RAD50: variants seen among roughly 807,000 people sequenced by gnomAD.
The protein encoded by RAD50 is DNA repair protein RAD50.
In RAD50, 132 loss-of-function variants were observed where a neutral mutation model predicts 168.8. The observed-to-expected ratio is 0.78, with a 90% CI of 0.68 to 0.90. RAD50 has a LOEUF of 0.90. RAD50 is among the 40% of genes least tolerant of loss of function. RAD50 has a pLI of 0.00. For missense variants in RAD50, 1,347 were observed against 1,534.4 expected, an observed-to-expected ratio of 0.88 and a Z score of 2.04; for synonymous variants, 525 against 497.4, an observed-to-expected ratio of 1.06 and a Z score of -0.74.
chr5:132,641,534 C>G lies in RAD50; in HGVS notation c.3753-644C>G, dbSNP rs182092024. Reference sequence around the variant, plus strand: ...AAGTAAGGGCGAGTGCTTTTGAAACCTCAAATGCATCCAGCTCCAGGAAGG... The same window carrying G: ...AAGTAAGGGCGAGTGCTTTTGAAACGTCAAATGCATCCAGCTCCAGGAAGG... On this transcript the variant is annotated intron_variant, in intron 24 of 24. Transcript: ENST00000378823. 3.5e-4 allele frequency among the ~76,000 whole-genome samples: 54 copies of G among 152,240 alleles called. No homozygotes were observed. The East Asian group carries it at 0.01, about 29-fold the overall frequency.
rs1243069832 is a variant in RAD50 at position 132,557,533 on chromosome 5, T to C, written c.129+80T>C. The C allele has an allele frequency of 5.7e-6, 9 of 1,584,182 alleles. No homozygotes were observed. The African/African-American group carries it at 8.1e-5, about 14-fold the overall frequency. On this transcript the variant is annotated intron_variant, in intron 1 of 24. Transcript: ENST00000378823. ...AAAATGGGAAGTTGAGAACTCTCCT[T>C]AGGAGCAGAAGCGTCCCTAGGGCTC...
At chr5:132,583,709 T>C (rs1354258219) in intron 5 of RAD50, among the ~76,000 whole-genome samples, 1 of 150,214 alleles carries the variant, frequency 6.7e-6, no homozygotes, top group Non-Finnish European at 1.5e-5. Context: ...TTTTTTTTTT[T>C]TGAGACGGAG....
intron 20 of RAD50, among the ~76,000 whole-genome samples, chr5:132,617,298 A>T (rs982533121): frequency 3.3e-5 from 5 of 152,238 alleles, no homozygotes; most frequent in African/African-American, 1.2e-4. Context: ...TACTTTTTAC[A>T]TTCATTCACA....
In RAD50 at chr5:132,579,998, A is replaced by C. The variant is rs1554097824; in HGVS notation, c.688A>C (p.Lys230Gln). Residue 230 changes from lysine to glutamine, a missense_variant, in exon 5 of 25, where the codon AAG (lysine) becomes CAG (glutamine). Lys to Gln is a moderately conservative substitution (Grantham distance 53). Around this residue, in one of 3 missense-constraint regions of RAD50, gnomAD observed 703 missense variants for 767.7 expected, o/e 0.92. Coordinates refer to ENST00000378823, the MANE Select transcript of RAD50 (RefSeq NM_005732.4). ...ACEIRDQITS[K>Q]EAQLTSSKEI... is the part of the protein sequence containing the mutation. ...TGAGATTCGTGATCAGATTACAAGT[A>C]AGGAAGCCCAGTTAACATCTTCAAA... 1.2e-6 allele frequency: 2 copies of C among 1,613,290 alleles called. No individual in the cohort carries two copies. Among genetic ancestry groups the C allele is most frequent in the Non-Finnish European group, 1.7e-6 (2 of 1,179,400 alleles).
At chr5:132,578,519 TC>T (rs755807717) in intron 3 of RAD50, among the ~76,000 whole-genome samples, 1 of 147,302 alleles carries the variant, frequency 6.8e-6, no homozygotes, top group Admixed American at 6.7e-5. Flanking sequence ...ATATTTTTTT[TC>T]TTTCTTTTTT....
intron 11 of RAD50, among the ~76,000 whole-genome samples, 197 bp downstream of exon 11, chr5:132,592,231 A>G (rs1269246023): frequency 3.3e-5 from 5 of 152,224 alleles, no homozygotes; most frequent in African/African-American, 1.2e-4. Flanking sequence ...GTATTTCTCA[A>G]CATAAGCTCC....
At position 132,616,004 on chromosome 5, in the gene RAD50, T is replaced by C. The variant is rs2149852914; in HGVS notation, c.3038T>C (p.Ile1013Thr). The C allele has an allele frequency of 6.3e-7, 1 of 1,579,114 alleles. No individual in the cohort carries two copies. The highest frequency in any genetic ancestry group is 8.7e-7 in the Non-Finnish European group (1 of 1,148,842). The stretch of plus-strand genomic sequence containing the variant: ...AACTAATTTAATGTTTACCTTTAGA[T>C]ACAAGAAAGGTGGCTACAAGATAAC... ...LMRQDIDTQK[I>T]QERWLQDNLT... The change falls in exon 20 of 25, where the codon ATA becomes ACA. Residue 1013 changes from isoleucine (I) to threonine (T), a missense_variant and splice_region_variant. Ile to Thr is a moderately conservative substitution (Grantham distance 89). Around this residue, in one of 3 missense-constraint regions of RAD50, gnomAD observed 635 missense variants for 739.2 expected, o/e 0.86. Transcript: ENST00000378823.
At chr5:132,611,264 G>T (rs547635514) in intron 19 of RAD50, among the ~76,000 whole-genome samples, 1 of 152,038 alleles carries the variant, frequency 6.6e-6, no homozygotes. Flanking sequence ...GGTGACACGC[G>T]CCTGTAATCC....
intron 5 of RAD50, among the ~76,000 whole-genome samples, chr5:132,583,872 T>C (rs969044634): frequency 1.3e-5 from 2 of 151,968 alleles, no homozygotes; most frequent in Non-Finnish European, 2.9e-5. Context: ...TTTTTTTGTA[T>C]TTTTAGTAGA....
chr5:132,618,280 T>C lies in RAD50; in HGVS notation c.3375T>C (p.Tyr1125=). 1 of 1,614,056 alleles carries C rather than the reference T, an allele frequency of 6.2e-7. No homozygotes were observed. The highest frequency in any genetic ancestry group is 8.5e-7 in the Non-Finnish European group (1 of 1,179,964). The change falls in exon 21 of 25, where the codon TAT becomes TAC. Residue 1125 remains tyrosine (Y), a synonymous_variant. Transcript: ENST00000378823. ...ELVNKDLDIY[Y]KTLDQAIMKF... ...TGAACAAGGATCTGGATATTTATTATAAGACTCTTGACCAGTAAGTATTAG... is the reference window on the plus strand; with the variant it reads ...TGAACAAGGATCTGGATATTTATTACAAGACTCTTGACCAGTAAGTATTAG...
At chr5:132,614,068 A>G (rs1420907952) in intron 19 of RAD50, among the ~76,000 whole-genome samples, 1 of 152,216 alleles carries the variant, frequency 6.6e-6, no homozygotes, top group Admixed American at 6.5e-5. Flanking sequence ...GATGTGGTAT[A>G]TACTGTCTTT....
intron 19 of RAD50, among the ~76,000 whole-genome samples, chr5:132,613,003 C>A (rs1421114895): frequency 6.6e-6 from 1 of 151,748 alleles, no homozygotes; most frequent in Non-Finnish European, 1.5e-5. Context: ...TTCAGGCAGT[C>A]TTGTAGAAGT....
intron 11 of RAD50, among the ~76,000 whole-genome samples, chr5:132,594,585 C>G (rs1271688228): frequency 6.6e-6 from 1 of 152,172 alleles, no homozygotes; most frequent in Non-Finnish European, 1.5e-5. Context: ...CTTGCTGAGG[C>G]TTAACCTGGG....
At position 132,643,724 on chromosome 5, in the gene RAD50, GT is replaced by G. The variant is rs58170562; in HGVS notation, c.*1361del. On this transcript the variant is annotated 3_prime_UTR_variant, in exon 25 of 25. Transcript: ENST00000378823. ...AGAGTATCCTGGGGGTGGTGGTGGG[GT>G]GGGGGGGGGTCCTAAATGTAATCAC... The G allele has an allele frequency of 1.7e-3, 359 of 210,438 alleles. No individual in the cohort carries two copies. Among genetic ancestry groups the G allele is most frequent in the African/African-American group, 4.6e-3 (200 of 43,474 alleles). 13.0% of individuals were successfully genotyped at this position (210,438 alleles called of 1,614,324 possible).
chr5:132,615,484 G>A (rs1751159752), intron 19 of RAD50, among the ~76,000 whole-genome samples: 1 of 152,102 alleles, frequency 6.6e-6, no homozygotes. Flanking sequence ...GTACATGTTG[G>A]GAGACAGAAC....
At position 132,618,196 on chromosome 5, in the gene RAD50, T is replaced by A; in HGVS notation, c.3291T>A (p.Phe1097Leu). 1 of 1,613,950 alleles carries A rather than the reference T, an allele frequency of 6.2e-7. No individual in the cohort carries two copies. Among genetic ancestry groups the A allele is most frequent in the Non-Finnish European group, 8.5e-7 (1 of 1,179,960 alleles). ...AGAAAGAACTTCGAGAACCACAATTTCGGGATGCTGAGGAAAAGTATAGAG... is the reference window on the plus strand; with the variant it reads ...AGAAAGAACTTCGAGAACCACAATTACGGGATGCTGAGGAAAAGTATAGAG... ...HFKKELREPQ[F>L]RDAEEKYREM... Residue 1097 changes from phenylalanine to leucine, a missense_variant, in exon 21 of 25, where the codon TTT becomes TTA. By Grantham distance (22) the Phe-to-Leu change is conservative. Coordinates refer to ENST00000378823, the MANE Select transcript of RAD50 (RefSeq NM_005732.4).
intron 3 of RAD50, among the ~76,000 whole-genome samples, chr5:132,578,524 C>CTTTTTTTTTTTTT (rs903882684): frequency 1.9e-4 from 16 of 84,342 alleles, no homozygotes; most frequent in Non-Finnish European, 2.7e-4. Context: ...TTTTTTCTTT[C>CTTTTTTTTTTTTT]TTTTTTTTTT....
At chr5:132,619,895 GAGAGAGAGAT>G (rs1400896854) in intron 21 of RAD50, among the ~76,000 whole-genome samples, 3 of 124,556 alleles carry the variant, frequency 2.4e-5, no homozygotes, top group African/African-American at 1.2e-4. Context: ...TAGAGAGAGA[GAGAGAGAGAT>G]ATATCTTTTT....
Position 132,616,113 on chromosome 5 carries a change from G to C in RAD50, c.3147G>C (p.Gln1049His). Reference protein sequence around the residue: ...KQHLKEMGQMQVLQMKSEHQK... With the variant: ...KQHLKEMGQMHVLQMKSEHQK... ...ATTTGAAGGAAATGGGTCAAATGCA[G>C]GTTTTGCAAATGAAAAGGTATGCTT... is the stretch of plus-strand genomic sequence containing the variant. Residue 1049 changes from glutamine to histidine, a missense_variant, in exon 20 of 25, where the codon CAG becomes CAC. Transcript: ENST00000378823. The C allele has an allele frequency of 2.5e-6, 4 of 1,612,958 alleles. No individual in the cohort carries two copies. The highest frequency in any genetic ancestry group is 3.4e-6 in the Non-Finnish European group (4 of 1,179,326).
Sources: allele counts gnomAD v4.1 joint callset (sites outside exome capture counted in the v4.1 genomes callset), GRCh38; gene constraint gnomAD v4.1.1; regional missense constraint gnomAD v4.1.1; transcripts MANE v1.5; gene names NCBI Gene and HGNC (gene_info 2026-07-23, HGNC 2026-07-21).